The following NXPH2 variants were observed in gnomAD, a reference collection of about 807,000 sequenced individuals.
NXPH2 encodes the protein neurexophilin-2.
NXPH2 carries 5 observed loss-of-function variants against 19.8 expected under a neutral mutation model. The observed-to-expected ratio is 0.25, with a 90% CI of 0.13 to 0.53. The LOEUF (loss-of-function observed/expected upper bound fraction) is 0.53, where lower values mean the gene tolerates loss of function less well. NXPH2 is among the 20% of genes least tolerant of loss of function. The pLI, the probability that NXPH2 is intolerant of heterozygous loss-of-function variation, is 0.96. For synonymous variants in NXPH2, 154 were observed against 127.4 expected (o/e 1.21, Z -1.41); for missense variants, 289 against 322.8 (o/e 0.90, Z 0.80).
intron 1 of NXPH2, among the ~76,000 whole-genome samples, chr2:138,761,968 G>A (rs1205597193): frequency 3.9e-5 from 6 of 152,238 alleles, no homozygotes; most frequent in South Asian, 2.1e-4. Flanking sequence ...GGTTAAAACC[G>A]AGTAGCATAA....
At chr2:138,704,591 C>G (rs771874477) in intron 1 of NXPH2, among the ~76,000 whole-genome samples, 2 of 152,082 alleles carry the variant, frequency 1.3e-5, no homozygotes, top group Non-Finnish European at 2.9e-5. Context: ...GAACTGGGAG[C>G]CTGCACATCT....
intron 1 of NXPH2, among the ~76,000 whole-genome samples, chr2:138,765,228 C>A (rs1682072695): frequency 6.6e-6 from 1 of 152,186 alleles, no homozygotes; most frequent in East Asian, 1.9e-4. Context: ...CCAACACACT[C>A]ACTGTGAAGG....
chr2:138,688,949 T>C (rs1474816375), intron 1 of NXPH2, among the ~76,000 whole-genome samples: 1 of 152,226 alleles, frequency 6.6e-6, no homozygotes, highest in Non-Finnish European at 1.5e-5. Context: ...CTGTTGTGTT[T>C]CCAATGCCTT....
chr2:138,725,363 T>G (rs1288799270), intron 1 of NXPH2, among the ~76,000 whole-genome samples: 1 of 152,190 alleles, frequency 6.6e-6, no homozygotes, highest in Non-Finnish European at 1.5e-5. Context: ...ACCCAGATCT[T>G]CCCTTACATT....
chr2:138,739,001 CAG>C (rs1483536726), intron 1 of NXPH2, among the ~76,000 whole-genome samples: 1 of 152,052 alleles, frequency 6.6e-6, no homozygotes, highest in Non-Finnish European at 1.5e-5. Context: ...TCCTGGGAAA[CAG>C]AGTTATTTTT....
chr2:138,694,707 C>A (rs183441227), intron 1 of NXPH2, among the ~76,000 whole-genome samples: 4 of 152,252 alleles, frequency 2.6e-5, no homozygotes, highest in African/African-American at 9.6e-5. Flanking sequence ...GATGGTTCAA[C>A]TTACAATTTT....
intron 1 of NXPH2, among the ~76,000 whole-genome samples, chr2:138,758,335 T>A (rs1681947656): frequency 6.6e-6 from 1 of 152,188 alleles, no homozygotes; most frequent in Admixed American, 6.5e-5. Context: ...AAGGATCACA[T>A]TCCTCCATTC....
At chr2:138,727,916 A>T (rs1238454415) in intron 1 of NXPH2, among the ~76,000 whole-genome samples, 3 of 152,206 alleles carry the variant, frequency 2.0e-5, no homozygotes, top group African/African-American at 7.2e-5. Context: ...AATATAAAGT[A>T]GTTGGAGGCT....
At chr2:138,744,229 G>A (rs1297923696) in intron 1 of NXPH2, among the ~76,000 whole-genome samples, 1 of 151,978 alleles carries the variant, frequency 6.6e-6, no homozygotes, top group Non-Finnish European at 1.5e-5. Context: ...TAAGAATGTT[G>A]TCTCCATAAA....
At chr2:138,734,972 T>C (rs1681516670) in intron 1 of NXPH2, among the ~76,000 whole-genome samples, 1 of 152,134 alleles carries the variant, frequency 6.6e-6, no homozygotes, top group Non-Finnish European at 1.5e-5. Context: ...CATCAGTCTA[T>C]AAGTAGTAAT....
chr2:138,746,323 G>C (rs1323193465), intron 1 of NXPH2, among the ~76,000 whole-genome samples: 3 of 152,234 alleles, frequency 2.0e-5, no homozygotes, highest in African/African-American at 7.2e-5. Context: ...TTCAGTAGAG[G>C]TGCAACTTGT....
chr2:138,717,944 T>C (rs951009918), intron 1 of NXPH2, among the ~76,000 whole-genome samples: 1 of 152,026 alleles, frequency 6.6e-6, no homozygotes, highest in Non-Finnish European at 1.5e-5. Context: ...ATAATAGAGT[T>C]GAAAATCAAG....
chr2:138,752,853 C>T (rs545732738), intron 1 of NXPH2, among the ~76,000 whole-genome samples: 2 of 152,218 alleles, frequency 1.3e-5, no homozygotes, highest in African/African-American at 4.8e-5. Context: ...GATGTTTTTC[C>T]CATAATCAGA....
chr2:138,777,182 G>A (rs1365883951), intron 1 of NXPH2, among the ~76,000 whole-genome samples: 5 of 151,846 alleles, frequency 3.3e-5, no homozygotes, highest in African/African-American at 7.3e-5. Flanking sequence ...TTGACATCTG[G>A]TGAAGTCTTT....
At chr2:138,756,208 T>C (rs1301666059) in intron 1 of NXPH2, among the ~76,000 whole-genome samples, 1 of 152,108 alleles carries the variant, frequency 6.6e-6, no homozygotes, top group Non-Finnish European at 1.5e-5. Context: ...TTTGTTTTCT[T>C]GTCTTATTGA....
intron 1 of NXPH2, among the ~76,000 whole-genome samples, chr2:138,696,187 C>T (rs1163915694): frequency 1.3e-5 from 2 of 152,030 alleles, no homozygotes; most frequent in African/African-American, 4.8e-5. Flanking sequence ...AACCAGTATC[C>T]TTAAAAAGTA....
chr2:138,710,790 G>A (rs1056734799), intron 1 of NXPH2, among the ~76,000 whole-genome samples: 5 of 151,990 alleles, frequency 3.3e-5, no homozygotes, highest in East Asian at 1.9e-4. Context: ...TTCACTCGCC[G>A]TCTGTTTTCC....
chr2:138,745,975 A>G (rs1465004996), intron 1 of NXPH2, among the ~76,000 whole-genome samples: 1 of 152,238 alleles, frequency 6.6e-6, no homozygotes, highest in African/African-American at 2.4e-5. Flanking sequence ...AGAGATGGTC[A>G]AAATAGCCAT....
intron 1 of NXPH2, among the ~76,000 whole-genome samples, chr2:138,758,196 C>T (rs376689757): frequency 6.6e-6 from 1 of 152,106 alleles, no homozygotes; most frequent in East Asian, 1.9e-4. Context: ...TACTGCACCT[C>T]TTTTGACAAA....
Sources: gnomAD v4.1 joint callset for allele counts (sites outside exome capture counted in the v4.1 genomes callset) on GRCh38, gnomAD v4.1.1 for gene constraint, MANE v1.5 for transcripts, NCBI Gene and HGNC (gene_info 2026-07-23, HGNC 2026-07-21) for gene names.